The following RALYL variants were observed in gnomAD, a reference collection of about 807,000 sequenced individuals.
RALYL encodes RNA-binding Raly-like protein.
In RALYL, 29 loss-of-function variants were observed where a neutral mutation model predicts 35.1. That is an observed-to-expected ratio of 0.83 (90% confidence interval 0.61 to 1.13). The LOEUF (loss-of-function observed/expected upper bound fraction) is 1.13. RALYL is among the 50% of genes most tolerant of loss of function. The probability of loss-of-function intolerance (pLI) is 0.00; values close to 1 mark genes in which losing one functional copy is unlikely to be tolerated. For synonymous variants in RALYL, 120 were observed against 127.6 expected, an observed-to-expected ratio of 0.94 and a Z score of 0.40; for missense variants, 359 against 360.4, an observed-to-expected ratio of 1.00 and a Z score of 0.03.
intron 2 of RALYL, among the ~76,000 whole-genome samples, chr8:84,639,478 G>A (rs1427610913): frequency 6.6e-6 from 1 of 151,906 alleles, no homozygotes; most frequent in Non-Finnish European, 1.5e-5. Context: ...GAAAGGTATA[G>A]TGAAACTTGT....
At chr8:84,693,873 A>C (rs1399120993) in intron 2 of RALYL, among the ~76,000 whole-genome samples, 2 of 151,886 alleles carry the variant, frequency 1.3e-5, no homozygotes, top group South Asian at 4.1e-4. Context: ...CCATATGATC[A>C]CCTCAAAGAT....
At chr8:84,881,217 C>T (rs1213850031) in intron 7 of RALYL, among the ~76,000 whole-genome samples, 1 of 151,822 alleles carries the variant, frequency 6.6e-6, no homozygotes, top group Non-Finnish European at 1.5e-5. Flanking sequence ...GTAATACCAT[C>T]CAAAATAAGT....
chr8:84,448,244 A>G (rs2049062085), intron 1 of RALYL, among the ~76,000 whole-genome samples: 1 of 151,952 alleles, frequency 6.6e-6, no homozygotes, highest in African/African-American at 2.4e-5. Context: ...GTATGTATGT[A>G]TGGCTTGTGT....
At chr8:84,887,494 C>A in intron 7 of RALYL, 110 bp from the exon 8 acceptor site, 1 of 868,574 alleles carries the variant, frequency 1.2e-6, no homozygotes, top group Non-Finnish European at 1.7e-6. Context: ...CTTCTGTACA[C>A]CTTTAATAGC....
intron 2 of RALYL, among the ~76,000 whole-genome samples, chr8:84,755,685 A>G (rs1811220466): frequency 6.6e-6 from 1 of 152,002 alleles, no homozygotes. Flanking sequence ...GTTTCTTAAT[A>G]TTTAATCATA....
At chr8:84,276,060 T>G (rs2132013768) in intron 1 of RALYL, among the ~76,000 whole-genome samples, 1 of 152,350 alleles carries the variant, frequency 6.6e-6, no homozygotes, top group Admixed American at 6.5e-5. Context: ...ACATGTTAAC[T>G]GTACTTTTGC....
chr8:84,386,004 C>G (rs896430325), intron 1 of RALYL, among the ~76,000 whole-genome samples: 1 of 151,842 alleles, frequency 6.6e-6, no homozygotes, highest in African/African-American at 2.4e-5. Flanking sequence ...CTCTGTCTCT[C>G]TCCTCTCTTG....
intron 2 of RALYL, among the ~76,000 whole-genome samples, chr8:84,576,267 A>AG (rs1809404071): frequency 6.6e-6 from 1 of 152,232 alleles, no homozygotes; most frequent in Non-Finnish European, 1.5e-5. Context: ...ATGAATATAA[A>AG]CAAAAAAAGC....
At chr8:84,186,275 C>T (rs992991684) in intron 1 of RALYL, among the ~76,000 whole-genome samples, 9 of 152,146 alleles carry the variant, frequency 5.9e-5, no homozygotes, top group Non-Finnish European at 7.4e-5. Context: ...GTATAGTGAG[C>T]TAATTACTAA....
chr8:84,223,209 C>CTCCCTTCCCTTCCCTTCCCTTCCCT (rs57387257), intron 1 of RALYL, among the ~76,000 whole-genome samples: 57 of 88,874 alleles, frequency 6.4e-4, no homozygotes, highest in South Asian at 2.1e-3. Context: ...CCTTCCATTC[C>CTCCCTTCCCTTCCCTTCCCTTCCCT]TCCCTTCCCT....
intron 1 of RALYL, among the ~76,000 whole-genome samples, chr8:84,411,883 C>T (rs1440267257): frequency 6.6e-6 from 1 of 151,864 alleles, no homozygotes; most frequent in African/African-American, 2.4e-5. Flanking sequence ...TCACCTTTGC[C>T]ACTTACAAGC....
intron 7 of RALYL, among the ~76,000 whole-genome samples, chr8:84,874,277 A>AAAAT (rs1231294939): frequency 1.3e-5 from 2 of 152,166 alleles, no homozygotes; most frequent in South Asian, 2.1e-4. Context: ...CATTTCTTAT[A>AAAAT]AAATAAATAA....
At chr8:84,776,416 A>T (rs1816853572) in intron 3 of RALYL, among the ~76,000 whole-genome samples, 1 of 152,214 alleles carries the variant, frequency 6.6e-6, no homozygotes, top group African/African-American at 2.4e-5. Flanking sequence ...AATGGAAAGC[A>T]ATAGAGTATA....
At chr8:84,234,206 T>A (rs374653882) in intron 1 of RALYL, among the ~76,000 whole-genome samples, 28 of 152,196 alleles carry the variant, frequency 1.8e-4, no homozygotes, top group East Asian at 5.8e-4. Context: ...AAGAGTCTAG[T>A]CACTGCTAAT....
At chr8:84,901,563 C>CT (rs1845689133) in intron 8 of RALYL, among the ~76,000 whole-genome samples, 1 of 152,130 alleles carries the variant, frequency 6.6e-6, no homozygotes, top group Non-Finnish European at 1.5e-5. Context: ...CCGCAAGCAT[C>CT]TCAAGTACTA....
At chr8:84,908,911 T>G (rs905203765) in intron 8 of RALYL, among the ~76,000 whole-genome samples, 1 of 152,004 alleles carries the variant, frequency 6.6e-6, no homozygotes, top group African/African-American at 2.4e-5. Context: ...GAAGAAACTC[T>G]GCATGCAGAT....
rs189916172 is a variant in RALYL at position 84,486,642 on chromosome 8, G to A, written c.-23-42657G>A. Among the ~76,000 whole-genome samples the A allele has an allele frequency of 1.2e-3, 176 of 151,972 alleles. 1 individual carries two copies. The highest frequency in any genetic ancestry group is 0.011 in the Admixed American group (165 of 15,250). ...ACAAAATTAGAAAAACATTTAATAT[G>A]CAGCTAAATTTGAAAGAGATGTATA... On this transcript the variant is annotated intron_variant, in intron 1 of 8. Transcript: ENST00000521268.
intron 7 of RALYL, among the ~76,000 whole-genome samples, chr8:84,878,744 TACA>T (rs1420768619): frequency 1.8e-5 from 2 of 110,878 alleles, no homozygotes; most frequent in African/African-American, 5.8e-5. Flanking sequence ...AATAACTCAA[TACA>T]ATGATTGGAA....
At chr8:84,200,882 A>T (rs545273912) in intron 1 of RALYL, among the ~76,000 whole-genome samples, 72 of 152,320 alleles carry the variant, frequency 4.7e-4, no homozygotes, top group Non-Finnish European at 9.4e-4. Context: ...TATTGTTTAC[A>T]TTAATTTAAG....
Sources: gnomAD v4.1 joint callset for allele counts (sites outside exome capture counted in the v4.1 genomes callset) on GRCh38, gnomAD v4.1.1 for gene constraint, MANE v1.5 for transcripts, NCBI Gene and HGNC (gene_info 2026-07-23, HGNC 2026-07-21) for gene names.